The following MTUS2 variants were observed in gnomAD, a reference collection of about 807,000 sequenced individuals.
The protein encoded by MTUS2 is microtubule-associated tumor suppressor candidate 2.
Under a neutral mutation model 114.1 loss-of-function variants are expected in MTUS2, and 40 were observed. The observed-to-expected ratio is 0.35, with a 90% CI of 0.27 to 0.46. The LOEUF is 0.46. MTUS2 is among the 20% of genes least tolerant of loss of function. The pLI is 1.00. For missense variants in MTUS2, 1,679 were observed against 1,705.4 expected (o/e 0.98, Z 0.27); for synonymous variants, 688 against 672.0 (o/e 1.02, Z -0.37).
chr13:28,870,332 C>T (rs560143982), intron 2 of MTUS2, among the ~76,000 whole-genome samples: 1 of 152,236 alleles, frequency 6.6e-6, no homozygotes, highest in Non-Finnish European at 1.5e-5. Context: ...AAAACAACAA[C>T]AATCTTGATA....
intron 2 of MTUS2, among the ~76,000 whole-genome samples, chr13:28,966,236 C>CA (rs891327521): frequency 1.3e-4 from 19 of 151,374 alleles, no homozygotes; most frequent in African/African-American, 3.4e-4. Flanking sequence ...ACCAACATTG[C>CA]AAAAAAAATG....
intron 7 of MTUS2, among the ~76,000 whole-genome samples, chr13:29,328,259 G>T (rs1228127530): frequency 6.6e-6 from 1 of 152,232 alleles, no homozygotes; most frequent in Non-Finnish European, 1.5e-5. Flanking sequence ...GGTACATTTT[G>T]AGTCAGTATG....
chr13:28,975,369 C>T (rs1266455248), intron 2 of MTUS2, among the ~76,000 whole-genome samples: 3 of 152,184 alleles, frequency 2.0e-5, no homozygotes, highest in South Asian at 2.1e-4. Flanking sequence ...GGTCTTTGCC[C>T]GGCCCTGAAG....
intron 5 of MTUS2, among the ~76,000 whole-genome samples, chr13:29,146,532 A>G (rs1566031987): frequency 6.6e-6 from 1 of 152,230 alleles, no homozygotes; most frequent in Non-Finnish European, 1.5e-5. Context: ...AGCAGCTGCC[A>G]TCATTGTTTT....
rs919144278 is a variant in MTUS2 at position 29,261,351 on chromosome 13, TCATA to T, written c.2645-20348_2645-20345del. Among the ~76,000 whole-genome samples, 30 of 152,206 alleles carry T rather than the reference TCATA, an allele frequency of 2.0e-4. 1 individual carries two copies. ...CTCCTTCTCGCAGTCCCTGAAGTGT[TCATA>T]CATATACAGGAAAAGGGTTTAGGGC... On this transcript the variant is annotated intron_variant, in intron 5 of 15. Coordinates refer to ENST00000612955, the MANE Select transcript of MTUS2 (RefSeq NM_001033602.4).
chr13:29,311,942 A>G (rs74438745), intron 6 of MTUS2, among the ~76,000 whole-genome samples: 4,135 of 152,222 alleles, frequency 0.027, 144 homozygotes, highest in African/African-American at 0.079. Flanking sequence ...GCTAGAGACA[A>G]TGTAGGCTGG....
intron 2 of MTUS2, among the ~76,000 whole-genome samples, chr13:28,954,081 T>C (rs1882943731): frequency 6.6e-6 from 1 of 152,238 alleles, no homozygotes; most frequent in African/African-American, 2.4e-5. Flanking sequence ...AATTCTGTTG[T>C]TAAAAGAGTA....
chr13:29,093,047 A>G (rs1284278643), intron 4 of MTUS2, among the ~76,000 whole-genome samples: 1 of 152,170 alleles, frequency 6.6e-6, no homozygotes, highest in Non-Finnish European at 1.5e-5. Flanking sequence ...AAGAGGGTGC[A>G]TTGGGCTTTC....
chr13:28,985,841 C>A (rs577525094), intron 2 of MTUS2, among the ~76,000 whole-genome samples: 1 of 152,146 alleles, frequency 6.6e-6, no homozygotes, highest in African/African-American at 2.4e-5. Context: ...ATAGCCCTCT[C>A]CTGAGCAAGA....
chr13:29,401,338 T>C (rs1874327782), intron 8 of MTUS2, among the ~76,000 whole-genome samples: 1 of 152,178 alleles, frequency 6.6e-6, no homozygotes, highest in Admixed American at 6.5e-5. Context: ...TTACTTTGAT[T>C]ATGCTGTCTT....
rs568289879 is a variant in MTUS2 at position 29,376,543 on chromosome 13, C to T, written c.3117+17070C>T. On this transcript the variant is annotated intron_variant, in intron 8 of 15. Transcript: ENST00000612955. Reference sequence around the variant, plus strand: ...AATAGAAAATAATAAAATGGTAGGTCTGAGTTCAAACATATCAATAATTAC... The same window carrying T: ...AATAGAAAATAATAAAATGGTAGGTTTGAGTTCAAACATATCAATAATTAC... Among the ~76,000 whole-genome samples, 9 of 152,148 alleles carry T rather than the reference C, an allele frequency of 5.9e-5. No individual in the cohort carries two copies. The East Asian group carries it at 1.5e-3, about 26-fold the overall frequency.
chr13:29,209,227 A>G (rs1895319166), intron 5 of MTUS2, among the ~76,000 whole-genome samples: 1 of 152,060 alleles, frequency 6.6e-6, no homozygotes, highest in African/African-American at 2.4e-5. Flanking sequence ...ATTTTGTTTG[A>G]TATAACAATA....
chr13:29,191,839 A>G (rs1396947361), intron 5 of MTUS2, among the ~76,000 whole-genome samples: 2 of 152,230 alleles, frequency 1.3e-5, no homozygotes, highest in Non-Finnish European at 2.9e-5. Context: ...CTGTGAAATT[A>G]CACAATCATC....
chr13:29,245,270 G>A lies in MTUS2; in HGVS notation c.2645-36434G>A, dbSNP rs184777865. The stretch of plus-strand genomic sequence containing the variant: ...GGTTTTTGTTGGAATGAGGAAAGCA[G>A]AGATGGTAAAACTTTCTTCTAACTC... On this transcript the variant is annotated intron_variant, in intron 5 of 15. Coordinates refer to ENST00000612955, the MANE Select transcript of MTUS2 (RefSeq NM_001033602.4). Among the ~76,000 whole-genome samples the A allele has an allele frequency of 1.3e-3, 198 of 152,272 alleles. 1 individual carries two copies. Among genetic ancestry groups the A allele is most frequent in the South Asian group, 1.9e-3 (9 of 4,824 alleles).
intron 2 of MTUS2, among the ~76,000 whole-genome samples, chr13:28,980,014 C>A (rs1884285730): frequency 6.6e-6 from 1 of 152,002 alleles, no homozygotes; most frequent in Non-Finnish European, 1.5e-5. Flanking sequence ...AAATTTAAAG[C>A]AAATCATCAG....
rs569386143 is a variant in MTUS2, at chr13:29,175,713, G to A, written c.2644+74743G>A. Among the ~76,000 whole-genome samples the A allele has an allele frequency of 2.6e-5, 4 of 152,086 alleles. No individual in the cohort carries two copies. The South Asian group carries it at 8.3e-4, about 32-fold the overall frequency. ...CAGACCTTTGGCCTTATGTGGATGTGGCCAACAAATGCTGCCTGGAAATAT... is the reference window on the plus strand; with the variant it reads ...CAGACCTTTGGCCTTATGTGGATGTAGCCAACAAATGCTGCCTGGAAATAT... On this transcript the variant is annotated intron_variant, in intron 5 of 15. Transcript: ENST00000612955.
intron 4 of MTUS2, among the ~76,000 whole-genome samples, chr13:29,084,683 G>A (rs1441404088): frequency 6.6e-6 from 1 of 151,836 alleles, no homozygotes; most frequent in East Asian, 1.9e-4. Context: ...GACTGTAGGT[G>A]CATGACACCA....
intron 2 of MTUS2, among the ~76,000 whole-genome samples, chr13:28,938,933 G>C (rs545039977): frequency 1.2e-4 from 19 of 152,180 alleles, no homozygotes; most frequent in African/African-American, 4.1e-4. Context: ...TAATAGCATA[G>C]GTATGTGATA....
chr13:29,253,293 G>C (rs1440722967), intron 5 of MTUS2, among the ~76,000 whole-genome samples: 1 of 151,828 alleles, frequency 6.6e-6, no homozygotes, highest in East Asian at 1.9e-4. Context: ...AGGTGTGGTG[G>C]CACACACCTG....
Sources: allele counts gnomAD v4.1 joint callset (sites outside exome capture counted in the v4.1 genomes callset), GRCh38; gene constraint gnomAD v4.1.1; transcripts MANE v1.5; gene names NCBI Gene and HGNC (gene_info 2026-07-23, HGNC 2026-07-21).